The following ACTR3C variants were observed in gnomAD, a reference collection of about 807,000 sequenced individuals.
The protein encoded by ACTR3C is actin-related protein 3C.
Under a neutral mutation model 26.3 loss-of-function variants are expected in ACTR3C, and 18 were observed. That is an observed-to-expected ratio of 0.68 (90% CI 0.47 to 1.01). ACTR3C has a LOEUF of 1.01. Among genes scored for constraint, ACTR3C ranks in the 50% least tolerant of loss-of-function variants. ACTR3C has a pLI of 0.00. For missense variants in ACTR3C, 184 were observed against 250.7 expected (o/e 0.73, Z 1.80); for synonymous variants, 55 against 94.5 (o/e 0.58, Z 2.42).
chr7:150,197,267 G>A, the ACTR3C span, among the ~76,000 whole-genome samples: 2 of 152,102 alleles, frequency 1.3e-5, no homozygotes, highest in Non-Finnish European at 2.9e-5. Flanking sequence ...TGCCTTCTCC[G>A]CATAGAAGCA....
At chr7:150,131,435 G>T in the ACTR3C span, among the ~76,000 whole-genome samples, 4 of 151,662 alleles carry the variant, frequency 2.6e-5, no homozygotes, top group Admixed American at 2.0e-4. Flanking sequence ...CCAAAAAGCC[G>T]CTCTTCTGTT....
At chr7:150,009,706 T>A in the ACTR3C span, among the ~76,000 whole-genome samples, 15 of 152,312 alleles carry the variant, frequency 9.8e-5, no homozygotes, top group South Asian at 3.1e-3. Flanking sequence ...TGGCTTGGAT[T>A]AGGGACGGAC....
chr7:150,248,339 C>T (rs1447904174), intron 7 of ACTR3C: 3 of 151,804 alleles, frequency 2.0e-5, no homozygotes, highest in Admixed American at 2.0e-4. Context: ...CCTGGTGCTA[C>T]ATCTCAACAG....
chr7:149,972,713 A>G, the ACTR3C span, among the ~76,000 whole-genome samples: 2 of 152,236 alleles, frequency 1.3e-5, no homozygotes, highest in Non-Finnish European at 2.9e-5. Context: ...CACCCTGCAT[A>G]TTTCTTCATG....
the ACTR3C span, among the ~76,000 whole-genome samples, chr7:149,903,842 C>T: frequency 7.8e-6 from 1 of 128,544 alleles, no homozygotes; most frequent in Non-Finnish European, 1.8e-5. Context: ...CTGTGTCCAG[C>T]CCTCTGTGTA....
chr7:150,069,605 G>A, the ACTR3C span, among the ~76,000 whole-genome samples: 3 of 152,076 alleles, frequency 2.0e-5, no homozygotes, highest in African/African-American at 7.2e-5. Flanking sequence ...AGCCAGGGAG[G>A]ATAAGACAGC....
chr7:150,310,892 G>C (rs924956938), intron 1 of ACTR3C, among the ~76,000 whole-genome samples: 2 of 152,070 alleles, frequency 1.3e-5, no homozygotes, highest in Admixed American at 6.5e-5. Flanking sequence ...AAAGGGTACC[G>C]AGTATCCCCT....
the ACTR3C span, among the ~76,000 whole-genome samples, chr7:149,940,135 C>G: frequency 6.6e-6 from 1 of 151,160 alleles, no homozygotes; most frequent in African/African-American, 2.4e-5. Context: ...GGTTATCTAT[C>G]TACCTACCTA....
At chr7:149,961,671 A>G in the ACTR3C span, among the ~76,000 whole-genome samples, 1 of 151,852 alleles carries the variant, frequency 6.6e-6, no homozygotes, top group Admixed American at 6.5e-5. Flanking sequence ...GGCTCATAGA[A>G]GTATAAATTC....
chr7:150,035,859 G>A, the ACTR3C span, among the ~76,000 whole-genome samples: 3 of 137,166 alleles, frequency 2.2e-5, no homozygotes, highest in African/African-American at 5.3e-5. Context: ...CCTGCGATGG[G>A]GGTACCAACA....
At chr7:150,194,193 T>C in the ACTR3C span, among the ~76,000 whole-genome samples, 1 of 148,972 alleles carries the variant, frequency 6.7e-6, no homozygotes, top group Non-Finnish European at 1.5e-5. Flanking sequence ...TTTATCATTA[T>C]GCAATACCCC....
At chr7:150,033,984 C>T in the ACTR3C span, among the ~76,000 whole-genome samples, 31 of 148,650 alleles carry the variant, frequency 2.1e-4, no homozygotes, top group African/African-American at 6.7e-4. Flanking sequence ...TCGCAGTCCC[C>T]GCCTCGGGGG....
At chr7:149,960,206 A>T in the ACTR3C span, among the ~76,000 whole-genome samples, 4 of 151,908 alleles carry the variant, frequency 2.6e-5, no homozygotes, top group African/African-American at 9.7e-5. Context: ...TATGATCAAG[A>T]TCTCTAAAAG....
At chr7:150,226,832 A>G in the ACTR3C span, among the ~76,000 whole-genome samples, 1 of 152,280 alleles carries the variant, frequency 6.6e-6, no homozygotes, top group Admixed American at 6.5e-5. Flanking sequence ...CTTTGGTGAG[A>G]TGTCTGTTCA....
chr7:150,088,907 A>G, the ACTR3C span, among the ~76,000 whole-genome samples: 1 of 152,160 alleles, frequency 6.6e-6, no homozygotes, highest in Non-Finnish European at 1.5e-5. Flanking sequence ...ACATTTGGCA[A>G]TTTTTTAAGA....
At chr7:150,134,418 C>T in the ACTR3C span, among the ~76,000 whole-genome samples, 1 of 152,172 alleles carries the variant, frequency 6.6e-6, no homozygotes, top group Non-Finnish European at 1.5e-5. Flanking sequence ...CTGGTGCCTC[C>T]CCTGCAAGGG....
the ACTR3C span, among the ~76,000 whole-genome samples, chr7:150,216,323 T>C: frequency 6.6e-6 from 1 of 152,224 alleles, no homozygotes; most frequent in African/African-American, 2.4e-5. Flanking sequence ...TTAACAATTA[T>C]ATGAGATAAT....
the ACTR3C span, among the ~76,000 whole-genome samples, chr7:150,183,563 A>G: frequency 6.7e-6 from 1 of 149,832 alleles, no homozygotes; most frequent in African/African-American, 2.6e-5. Context: ...CTCTCTGATC[A>G]TCAGCACATG....
At chr7:150,035,444 C>T in the ACTR3C span, among the ~76,000 whole-genome samples, 4 of 34,358 alleles carry the variant, frequency 1.2e-4, no homozygotes, top group Non-Finnish European at 2.7e-4. Flanking sequence ...CCCTGACTCG[C>T]GGGGGGTGCC....
Sources: allele counts gnomAD v4.1 joint callset (sites outside exome capture counted in the v4.1 genomes callset), GRCh38; gene constraint gnomAD v4.1.1; transcripts MANE v1.5; gene names NCBI Gene and HGNC (gene_info 2026-07-23, HGNC 2026-07-21).